The following SNF8 variants were observed in gnomAD, a reference collection of about 807,000 sequenced individuals.
SNF8 encodes the protein SNF8 subunit of ESCRT-II.
SNF8 carries 19 observed loss-of-function variants against 36.8 expected under a neutral mutation model. The ratio of observed to expected loss-of-function variants is 0.52; its 90% CI spans 0.36 to 0.76. The LOEUF (loss-of-function observed/expected upper bound fraction) is 0.76, where lower values mean the gene tolerates loss of function less well. Ranked by LOEUF, SNF8 falls within the 30% of genes least tolerant of loss-of-function variation. The pLI is 0.00. For missense variants in SNF8, 268 were observed against 322.9 expected (o/e 0.83, Z 1.30); for synonymous variants, 127 against 127.4 (o/e 1.00, Z 0.02).
At chr17:48,934,148 G>A (rs957254819) in intron 5 of SNF8, among the ~76,000 whole-genome samples, 5 of 152,044 alleles carry the variant, frequency 3.3e-5, no homozygotes, top group African/African-American at 1.2e-4. Flanking sequence ...CTCTGCCAAA[G>A]CTCAAAAAAT....
chr17:48,942,847 CTT>C (rs71144543), intron 2 of SNF8, among the ~76,000 whole-genome samples: 2,720 of 85,352 alleles, frequency 0.032, 21 homozygotes, highest in African/African-American at 0.052. Flanking sequence ...CGCACCCGGC[CTT>C]TTTTTTTTTT....
chr17:48,941,122 A>C, intron 2 of SNF8, 60 bp from the exon 3 acceptor site: 1 of 1,590,546 alleles, frequency 6.3e-7, no homozygotes, highest in Non-Finnish European at 8.6e-7. Context: ...CAGATGCCAA[A>C]AACAGGTCCC....
At chr17:48,940,042 T>A (rs182869355) in intron 3 of SNF8, among the ~76,000 whole-genome samples, 12 of 128,748 alleles carry the variant, frequency 9.3e-5, no homozygotes, top group Non-Finnish European at 1.7e-4. Context: ...ACCACTGCAC[T>A]CCAGCGTAGG....
Position 48,929,509 on chromosome 17 carries a change from C to T in SNF8, c.*966G>A, listed in dbSNP as rs372485473. 5 of 152,322 alleles carry T rather than the reference C, an allele frequency of 3.3e-5. No individual in the cohort carries two copies. Among genetic ancestry groups the T allele is most frequent in the Admixed American group, 1.3e-4 (2 of 15,286 alleles). The allele number at this position is 152,322 out of a possible 1,614,324, so 9.4% of individuals were successfully genotyped here. On this transcript the variant is annotated 3_prime_UTR_variant, in exon 8 of 8. Coordinates refer to ENST00000502492, the MANE Select transcript of SNF8 (RefSeq NM_007241.4). ...TGGGAGCCTTAAACAACTCTGGCCT[C>T]TTCCCTCATCACCACTTCTACTTGC...
chr17:48,937,150 G>A lies in SNF8; in HGVS notation c.245-26C>T, dbSNP rs534726666. ...CTACAAGACAGAAAAACAAAATCTC[G>A]GTTATTGATTAATTTACATCCCTTC... On this transcript the variant is annotated intron_variant, in intron 3 of 7. Transcript: ENST00000502492. 2.3e-5 allele frequency: 35 copies of A among 1,519,670 alleles called. No individual in the cohort carries two copies. In the Admixed American group the frequency reaches 3.0e-4, roughly 13 times the overall value. 94.1% of individuals were successfully genotyped at this position (1,519,670 alleles called of 1,614,324 possible).
At position 48,944,740 on chromosome 17, in the gene SNF8, C is replaced by T; in HGVS notation, c.-6G>A. ...CCCACCCCGCGGCGGTGCATCCCCA[C>T]CCTGGGCCCGCGGGCCGCCCGGCTG... On this transcript the variant is annotated 5_prime_UTR_variant, in exon 1 of 8. In the 5' UTR this introduces an upstream ATG that the reference lacks. Transcript: ENST00000502492. The T allele has an allele frequency of 1.2e-6, 2 of 1,600,014 alleles. No homozygotes were observed. The highest frequency in any genetic ancestry group is 1.1e-5 in the South Asian group (1 of 90,086).
At chr17:48,939,649 C>T (rs1053624352) in intron 3 of SNF8, among the ~76,000 whole-genome samples, 30 of 151,626 alleles carry the variant, frequency 2.0e-4, no homozygotes, top group Non-Finnish European at 4.3e-4. Context: ...TTAGTAGAGA[C>T]AGGGTTTCAC....
intron 3 of SNF8, among the ~76,000 whole-genome samples, chr17:48,939,274 A>G (rs2040983831): frequency 6.6e-6 from 1 of 150,904 alleles, no homozygotes. Flanking sequence ...CAAGAAAAAA[A>G]AAAAAAAAAA....
chr17:48,938,496 CA>C (rs11339083), intron 3 of SNF8, among the ~76,000 whole-genome samples: 63,530 of 113,656 alleles, frequency 0.56, 17,023 homozygotes, highest in East Asian at 0.76. Context: ...AACTCCATCT[CA>C]AAAAAAAAAA....
At chr17:48,937,258 A>C (rs1225118960) in intron 3 of SNF8, 134 bp from the exon 4 acceptor site, 3 of 761,736 alleles carry the variant, frequency 3.9e-6, no homozygotes, top group Middle Eastern at 2.3e-4. Flanking sequence ...TCCATCTGCT[A>C]CTCAGGAAAC....
intron 3 of SNF8, 63 bp downstream of exon 3, chr17:48,940,861 A>C: frequency 6.4e-7 from 1 of 1,573,876 alleles, no homozygotes; most frequent in African/African-American, 1.3e-5. Flanking sequence ...AACAACAACT[A>C]TGTGAGCTTC....
chr17:48,940,826 T>C, intron 3 of SNF8, 98 bp downstream of exon 3: 1 of 1,405,352 alleles, frequency 7.1e-7, no homozygotes, highest in Non-Finnish European at 9.8e-7. Context: ...CTGCAGGCCT[T>C]TCTAGTGGAT....
intron 5 of SNF8, chr17:48,934,568 C>A (rs562556577): frequency 6.0e-6 from 1 of 166,054 alleles, no homozygotes; most frequent in Non-Finnish European, 1.3e-5. Flanking sequence ...TGTACCACTG[C>A]GCTCCAGCCT....
At chr17:48,940,657 G>A (rs568365739) in intron 3 of SNF8, among the ~76,000 whole-genome samples, 7 of 152,188 alleles carry the variant, frequency 4.6e-5, no homozygotes, top group South Asian at 4.1e-4. Context: ...GGACGTGGTC[G>A]CGAGCACCTG....
At chr17:48,933,849 A>G (rs924293219) in intron 5 of SNF8, among the ~76,000 whole-genome samples, 6 of 152,258 alleles carry the variant, frequency 3.9e-5, no homozygotes, top group African/African-American at 1.4e-4. Context: ...CTGTCTGCTC[A>G]GCGAACCACT....
Position 48,941,036 on chromosome 17 carries a change from C to A in SNF8, c.132G>T (p.Lys44Asn). 6.2e-7 allele frequency: 1 copy of A among 1,613,954 alleles called. No individual in the cohort carries two copies. The highest frequency in any genetic ancestry group is 1.3e-5 in the African/African-American group (1 of 74,990). The change falls in exon 3 of 8, where the codon AAG (lysine) becomes AAT (asparagine). Residue 44 changes from lysine (K) to asparagine (N), a missense_variant. Lys to Asn is a moderately conservative substitution (Grantham distance 94, BLOSUM62 0). Transcript: ENST00000502492. ...AQMSKQLDMF[K>N]TNLEEFASKH... The stretch of plus-strand genomic sequence containing the variant: ...TGCTGGCAAATTCCTCCAGGTTGGT[C>A]TTGAACATGTCCAACTGCTTTGACA...
intron 4 of SNF8, 126 bp from the exon 5 acceptor site, chr17:48,936,368 A>C (rs540646399): frequency 1.3e-5 from 9 of 672,996 alleles, no homozygotes; most frequent in African/African-American, 1.1e-4. Flanking sequence ...TTTTTTTAAC[A>C]CTCTCCTTAT....
At chr17:48,936,816 T>C (rs1360744687) in intron 4 of SNF8, 6 of 600,642 alleles carry the variant, frequency 1.0e-5, no homozygotes, top group African/African-American at 7.4e-5. Context: ...CCAAAGATCT[T>C]TGGAGAACAG....
rs1264450058 is a variant in SNF8 at position 48,930,353 on chromosome 17, A to G, written c.*122T>C. 1 of 1,157,916 alleles carries G rather than the reference A, an allele frequency of 8.6e-7. No homozygotes were observed. The highest frequency in any genetic ancestry group is 1.1e-6 in the Non-Finnish European group (1 of 870,654). 71.7% of individuals were successfully genotyped at this position (1,157,916 alleles called of 1,614,324 possible). On this transcript the variant is annotated 3_prime_UTR_variant, in exon 8 of 8. Coordinates refer to ENST00000502492, the MANE Select transcript of SNF8 (RefSeq NM_007241.4). ...TGAAGGCACTTTTCAAAAATAAAAGAATGAGGGAAGAAAGAAAAACTTGGA... is the reference window on the plus strand; with the variant it reads ...TGAAGGCACTTTTCAAAAATAAAAGGATGAGGGAAGAAAGAAAAACTTGGA...
Sources: allele counts gnomAD v4.1 joint callset (sites outside exome capture counted in the v4.1 genomes callset), GRCh38; gene constraint gnomAD v4.1.1; transcripts MANE v1.5; gene names NCBI Gene and HGNC (gene_info 2026-07-23, HGNC 2026-07-21).